DIS3L2: variants seen among roughly 807,000 people sequenced by gnomAD.
The protein encoded by DIS3L2 is DIS3-like exonuclease 2.
A neutral mutation model predicts 97.5 loss-of-function variants in DIS3L2; 34 were observed. The observed-to-expected ratio is 0.35, with a 90% CI of 0.27 to 0.46. The LOEUF (loss-of-function observed/expected upper bound fraction) is 0.46, where lower values mean the gene tolerates loss of function less well. DIS3L2 is among the 20% of genes least tolerant of loss of function. DIS3L2 has a pLI of 1.00. For missense variants in DIS3L2, 1,038 were observed against 1,146.0 expected (o/e 0.91, Z 1.36); for synonymous variants, 435 against 445.2 (o/e 0.98, Z 0.29).
intron 14 of DIS3L2, among the ~76,000 whole-genome samples, chr2:232,319,623 AGGCTGCCTGGGCTT>A (rs1007133363): frequency 1.1e-4 from 17 of 152,298 alleles, no homozygotes; most frequent in South Asian, 4.1e-4. Flanking sequence ...GGAGGCCTGA[AGGCTGCCTGGGCTT>A]GGCTGCCTGG....
At chr2:232,046,364 C>T (rs573135821) in intron 5 of DIS3L2, among the ~76,000 whole-genome samples, 2 of 152,284 alleles carry the variant, frequency 1.3e-5, no homozygotes, top group Admixed American at 1.3e-4. Flanking sequence ...AGGCCCAAGA[C>T]CCACTGAATG....
intron 12 of DIS3L2, 36 bp from the exon 13 acceptor site, chr2:232,263,171 C>G (rs745701484): frequency 3.8e-6 from 6 of 1,599,978 alleles, no homozygotes; most frequent in South Asian, 2.2e-5. Context: ...AAACATTTGT[C>G]CTCACAATTC....
At chr2:231,984,115 C>A (rs1272170180) in intron 1 of DIS3L2, among the ~76,000 whole-genome samples, 1 of 151,764 alleles carries the variant, frequency 6.6e-6, no homozygotes, top group Non-Finnish European at 1.5e-5. Flanking sequence ...ATTTATATCA[C>A]CTTTTTTGTT....
intron 13 of DIS3L2, among the ~76,000 whole-genome samples, chr2:232,266,292 C>G (rs1267768685): frequency 4.6e-5 from 7 of 152,208 alleles, no homozygotes; most frequent in Non-Finnish European, 1.0e-4. Flanking sequence ...GGATATCTGT[C>G]TCTATTGGCC....
chr2:232,208,256 G>A (rs190372839), intron 9 of DIS3L2, among the ~76,000 whole-genome samples: 114 of 151,728 alleles, frequency 7.5e-4, no homozygotes, highest in East Asian at 4.1e-3. Context: ...ATTCCGTTCC[G>A]TTCCTCTCCT....
chr2:232,170,618 C>T (rs3116184), intron 9 of DIS3L2, among the ~76,000 whole-genome samples: 122,058 of 152,110 alleles, frequency 0.8, 49,614 homozygotes, highest in African/African-American at 0.91. Flanking sequence ...CTCTTTTTTT[C>T]CCATTTAATG....
chr2:232,125,113 C>T (rs1439626818), intron 6 of DIS3L2, among the ~76,000 whole-genome samples: 1 of 152,212 alleles, frequency 6.6e-6, no homozygotes, highest in Non-Finnish European at 1.5e-5. Context: ...AATGCTCCCT[C>T]GTCCCATTCA....
At chr2:232,108,397 T>C (rs915622531) in intron 6 of DIS3L2, among the ~76,000 whole-genome samples, 1 of 152,204 alleles carries the variant, frequency 6.6e-6, no homozygotes, top group Non-Finnish European at 1.5e-5. Flanking sequence ...GAGCTATTTA[T>C]GACAAACCCA....
chr2:232,220,632 G>A (rs890132160), intron 10 of DIS3L2, among the ~76,000 whole-genome samples: 25 of 151,948 alleles, frequency 1.6e-4, no homozygotes, highest in Middle Eastern at 6.8e-3. Context: ...GCTTGAACCC[G>A]GGAGGCATAG....
At chr2:232,305,376 C>G (rs1319821317) in intron 14 of DIS3L2, among the ~76,000 whole-genome samples, 4 of 152,170 alleles carry the variant, frequency 2.6e-5, no homozygotes, top group Non-Finnish European at 5.9e-5. Flanking sequence ...CCACGCCTGT[C>G]CTCATGTTTG....
At chr2:232,008,560 G>C (rs1694113025) in intron 1 of DIS3L2, among the ~76,000 whole-genome samples, 1 of 152,164 alleles carries the variant, frequency 6.6e-6, no homozygotes, top group Admixed American at 6.5e-5. Flanking sequence ...CAAAATTTGA[G>C]AGAAATTTTA....
intron 3 of DIS3L2, among the ~76,000 whole-genome samples, chr2:232,019,315 G>T (rs1180279553): frequency 6.6e-6 from 1 of 152,150 alleles, no homozygotes; most frequent in Non-Finnish European, 1.5e-5. Flanking sequence ...ACTTTAGAAG[G>T]CTAGGGTGGG....
chr2:232,228,423 G>T (rs1464674689), intron 10 of DIS3L2, among the ~76,000 whole-genome samples: 1 of 152,170 alleles, frequency 6.6e-6, no homozygotes, highest in Non-Finnish European at 1.5e-5. Flanking sequence ...CATGCTGGCC[G>T]TATGTGCCGA....
intron 1 of DIS3L2, among the ~76,000 whole-genome samples, chr2:231,983,668 A>G (rs1256814296): frequency 6.6e-6 from 1 of 152,162 alleles, no homozygotes; most frequent in African/African-American, 2.4e-5. Flanking sequence ...AGGTGGGTGG[A>G]TCACGAGGTC....
At chr2:232,181,669 C>G (rs1189335061) in intron 9 of DIS3L2, among the ~76,000 whole-genome samples, 2 of 151,848 alleles carry the variant, frequency 1.3e-5, no homozygotes. Context: ...GACAATGTCT[C>G]ACTCTGTCAC....
At chr2:232,343,401 T>A in exon 14 of DIS3L2, 1 of 1,556,622 alleles carries the variant, frequency 6.4e-7, no homozygotes, top group Non-Finnish European at 8.7e-7. Flanking sequence ...GCCCCTCTGC[T>A]GAAGATGCAG....
intron 9 of DIS3L2, among the ~76,000 whole-genome samples, chr2:232,206,104 C>T (rs1411114745): frequency 6.6e-6 from 1 of 152,200 alleles, no homozygotes; most frequent in Non-Finnish European, 1.5e-5. Flanking sequence ...TGCAGTTCTT[C>T]GCATCTCCAA....
At chr2:232,271,306 C>T (rs1694002086) in intron 13 of DIS3L2, among the ~76,000 whole-genome samples, 1 of 152,208 alleles carries the variant, frequency 6.6e-6, no homozygotes, top group Admixed American at 6.5e-5. Flanking sequence ...TGTAACTTCA[C>T]TAGTCTTTTC....
Position 232,334,384 on chromosome 2 carries a change from T to C in DIS3L2, c.2174T>C (p.Leu725Pro), listed in dbSNP as rs1428428367. ...LAAALGYRER[L>P]DMAPDTLQKQ... ...CTCTTCCCAGGCTATAGGGAGCGAC[T>C]AGACATGGCGCCCGATACCCTGCAG... Residue 725 changes from leucine to proline, a missense_variant, in exon 18 of 21, where the codon CTA becomes CCA. Physicochemically the swap from Leu to Pro is moderately conservative, Grantham distance 98. Transcript: ENST00000325385. The C allele has an allele frequency of 6.2e-7, 1 of 1,613,528 alleles. No homozygotes were observed. The highest frequency in any genetic ancestry group is 8.5e-7 in the Non-Finnish European group (1 of 1,179,948).
Sources: gnomAD v4.1 joint callset for allele counts (sites outside exome capture counted in the v4.1 genomes callset) on GRCh38, gnomAD v4.1.1 for gene constraint, MANE v1.5 for transcripts, NCBI Gene and HGNC (gene_info 2026-07-23, HGNC 2026-07-21) for gene names.